Variants in RAD51B observed in about 807,000 individuals in gnomAD.
The protein encoded by RAD51B is DNA repair protein RAD51 homolog 2.
Under a neutral mutation model 42.2 loss-of-function variants are expected in RAD51B, and 38 were observed. The observed-to-expected ratio is 0.90, with a 90% CI of 0.70 to 1.18. The LOEUF (loss-of-function observed/expected upper bound fraction) is 1.18, where lower values mean the gene tolerates loss of function less well. RAD51B is among the 50% of genes most tolerant of loss of function. The probability of loss-of-function intolerance (pLI) is 0.00; values close to 1 mark genes in which losing one functional copy is unlikely to be tolerated. For synonymous variants in RAD51B, 154 were observed against 145.2 expected, an observed-to-expected ratio of 1.06 and a Z score of -0.43; for missense variants, 373 against 400.7, an observed-to-expected ratio of 0.93 and a Z score of 0.59.
intron 7 of RAD51B, among the ~76,000 whole-genome samples, chr14:68,051,430 A>G (rs1384985675): frequency 6.6e-6 from 1 of 152,142 alleles, no homozygotes; most frequent in Non-Finnish European, 1.5e-5. Context: ...CTATATAAAT[A>G]TGCTGTAGGG....
chr14:68,545,539 T>G, intron 10 of RAD51B: 4 of 456,066 alleles, frequency 8.8e-6, no homozygotes. Context: ...GACATTATTA[T>G]GAGTACCTGG....
At chr14:68,057,819 C>A (rs566980173) in intron 7 of RAD51B, among the ~76,000 whole-genome samples, 82 of 80,364 alleles carry the variant, frequency 1.0e-3, no homozygotes, top group African/African-American at 4.5e-3. Context: ...CCTTTTAGTT[C>A]TTTGTGTGTG....
At chr14:68,101,842 C>T (rs575304254) in intron 7 of RAD51B, among the ~76,000 whole-genome samples, 11 of 152,348 alleles carry the variant, frequency 7.2e-5, no homozygotes, top group East Asian at 1.9e-4. Flanking sequence ...GGCTCCAACC[C>T]GACATTTCCC....
chr14:68,199,774 G>A (rs538652998), intron 7 of RAD51B, among the ~76,000 whole-genome samples: 1 of 152,308 alleles, frequency 6.6e-6, no homozygotes, highest in East Asian at 1.9e-4. Flanking sequence ...AATAGCTTGG[G>A]TCTGTCTTGG....
chr14:68,391,208 T>G (rs1249907408), intron 8 of RAD51B, among the ~76,000 whole-genome samples: 2 of 152,044 alleles, frequency 1.3e-5, no homozygotes, highest in African/African-American at 4.8e-5. Context: ...TTTCTTTTCA[T>G]GTAGCATTTC....
rs1350558804 is a variant in RAD51B, at chr14:68,068,691, A to C, written c.756+181487A>C. ...TGTTTAAATTTTTGAGGAACTGTTA[A>C]ATTGGTTTCCAGAGTAGTGGTAACA... On this transcript the variant is annotated intron_variant, in intron 7 of 10. Coordinates refer to ENST00000471583, the MANE Select transcript of RAD51B (RefSeq NM_133510.4). 2.0e-5 allele frequency among the ~76,000 whole-genome samples: 3 copies of C among 152,294 alleles called. No homozygotes were observed. The East Asian group carries it at 5.8e-4, about 29-fold the overall frequency.
At chr14:67,974,358 C>T (rs549511845) in intron 7 of RAD51B, among the ~76,000 whole-genome samples, 1 of 152,106 alleles carries the variant, frequency 6.6e-6, no homozygotes, top group East Asian at 1.9e-4. Flanking sequence ...TGTTTTTCTA[C>T]TAAATTCAGT....
At chr14:68,656,132 C>T (rs1892810441) in intron 11 of RAD51B, among the ~76,000 whole-genome samples, 1 of 152,134 alleles carries the variant, frequency 6.6e-6, no homozygotes, top group South Asian at 2.1e-4. Context: ...ATTGACAGCA[C>T]CATGTACAAG....
intron 10 of RAD51B, among the ~76,000 whole-genome samples, chr14:68,542,249 G>C (rs1888006898): frequency 6.6e-6 from 1 of 152,008 alleles, no homozygotes; most frequent in South Asian, 2.1e-4. Flanking sequence ...ATTTCTAACT[G>C]TTTTGGCTTG....
chr14:67,990,940 G>T (rs1444181432), intron 7 of RAD51B, among the ~76,000 whole-genome samples: 3 of 152,120 alleles, frequency 2.0e-5, no homozygotes, highest in Admixed American at 1.3e-4. Context: ...GGGTAGAAGG[G>T]TGAAGCCTTA....
rs546023152 is a variant in RAD51B at position 68,079,179 on chromosome 14, T to C, written c.756+191975T>C. On this transcript the variant is annotated intron_variant, in intron 7 of 10. Transcript: ENST00000471583. ...TTCCAAAATAATCATTCTCTTTTTT[T>C]AGAGTCTACTGTTCATTTTAATTAA... Among the ~76,000 whole-genome samples, 131 of 152,368 alleles carry C rather than the reference T, an allele frequency of 8.6e-4. 1 individual carries two copies. The highest frequency in any genetic ancestry group is 6.8e-3 in the Middle Eastern group (2 of 294).
At chr14:67,992,184 G>A (rs182185333) in intron 7 of RAD51B, among the ~76,000 whole-genome samples, 2 of 152,244 alleles carry the variant, frequency 1.3e-5, no homozygotes, top group East Asian at 3.9e-4. Context: ...GAAGAAAATG[G>A]CTAAAGTTTT....
At chr14:68,532,097 A>G (rs1887347167) in intron 10 of RAD51B, among the ~76,000 whole-genome samples, 1 of 152,254 alleles carries the variant, frequency 6.6e-6, no homozygotes, top group African/African-American at 2.4e-5. Flanking sequence ...AGGTCTCAAC[A>G]AATTTGTAAG....
chr14:68,047,998 A>G (rs2076330521), intron 7 of RAD51B, among the ~76,000 whole-genome samples: 1 of 152,220 alleles, frequency 6.6e-6, no homozygotes, highest in African/African-American at 2.4e-5. Flanking sequence ...ATCAGAAGAA[A>G]GGCTGCTTTG....
intron 10 of RAD51B, among the ~76,000 whole-genome samples, chr14:68,604,471 C>T (rs1891361616): frequency 1.3e-5 from 2 of 152,222 alleles, no homozygotes; most frequent in Admixed American, 1.3e-4. Flanking sequence ...GCGGGGCTGC[C>T]TTTTGTCCCT....
chr14:67,996,467 A>G (rs1251319526), intron 7 of RAD51B, among the ~76,000 whole-genome samples: 2 of 152,024 alleles, frequency 1.3e-5, no homozygotes, highest in Non-Finnish European at 1.5e-5. Context: ...ATGTTCCATA[A>G]CGGTGAAATC....
intron 10 of RAD51B, chr14:68,563,925 A>G: frequency 2.0e-6 from 2 of 984,534 alleles, no homozygotes; most frequent in Non-Finnish European, 2.4e-6. Context: ...GCAATTAAAA[A>G]TAATATTGGC....
At chr14:68,576,194 C>T (rs1889953677) in intron 10 of RAD51B, among the ~76,000 whole-genome samples, 1 of 152,164 alleles carries the variant, frequency 6.6e-6, no homozygotes, top group African/African-American at 2.4e-5. Flanking sequence ...CTGCCTGTAC[C>T]TCACATTTGC....
intron 7 of RAD51B, among the ~76,000 whole-genome samples, chr14:68,062,188 T>C (rs2076577834): frequency 1.3e-5 from 2 of 152,192 alleles, no homozygotes; most frequent in African/African-American, 2.4e-5. Context: ...TGATATGAGG[T>C]GTCATGTTTA....
Sources: allele counts gnomAD v4.1 joint callset (sites outside exome capture counted in the v4.1 genomes callset), GRCh38; gene constraint gnomAD v4.1.1; transcripts MANE v1.5; gene names NCBI Gene and HGNC (gene_info 2026-07-23, HGNC 2026-07-21).